PTCHD4: variants seen among roughly 807,000 people sequenced by gnomAD.
PTCHD4 encodes patched domain-containing protein 4.
In PTCHD4, 33 loss-of-function variants were observed where a neutral mutation model predicts 58.1. The observed-to-expected ratio is 0.57, with a 90% CI of 0.43 to 0.76. The LOEUF is 0.76. Among genes scored for constraint, PTCHD4 ranks in the 30% least tolerant of loss-of-function variants. The pLI, the probability that PTCHD4 is intolerant of heterozygous loss-of-function variation, is 0.00. For synonymous variants in PTCHD4, 478 were observed against 409.6 expected, an observed-to-expected ratio of 1.17 and a Z score of -2.02; for missense variants, 1,058 against 1,027.1, an observed-to-expected ratio of 1.03 and a Z score of -0.41.
intron 4 of PTCHD4, among the ~76,000 whole-genome samples, chr6:47,908,899 C>T (rs1346150282): frequency 6.6e-6 from 1 of 151,958 alleles, no homozygotes; most frequent in Non-Finnish European, 1.5e-5. Flanking sequence ...GAAAAGATTA[C>T]AATATGGAAT....
intron 4 of PTCHD4, among the ~76,000 whole-genome samples, chr6:48,006,872 C>G (rs1372202078): frequency 1.3e-5 from 2 of 152,202 alleles, no homozygotes; most frequent in Admixed American, 1.3e-4. Flanking sequence ...TATACTGTTA[C>G]ATTTTTCAAA....
chr6:48,054,051 A>G (rs1025725348), intron 3 of PTCHD4, among the ~76,000 whole-genome samples: 2 of 152,090 alleles, frequency 1.3e-5, no homozygotes, highest in Non-Finnish European at 2.9e-5. Context: ...GTATTTCTCA[A>G]TTTCGCTATC....
intron 1 of PTCHD4, among the ~76,000 whole-genome samples, chr6:48,108,005 A>G (rs1421176480): frequency 2.0e-5 from 3 of 152,166 alleles, no homozygotes; most frequent in South Asian, 2.1e-4. Context: ...TGTTGGTGGG[A>G]CTGTAAACTA....
intron 4 of PTCHD4, among the ~76,000 whole-genome samples, chr6:47,892,754 A>G (rs1361000699): frequency 2.0e-5 from 3 of 152,262 alleles, no homozygotes; most frequent in Non-Finnish European, 4.4e-5. Flanking sequence ...CAGATGCTTG[A>G]TAAAAGCATA....
intron 1 of PTCHD4, among the ~76,000 whole-genome samples, chr6:48,100,919 A>G (rs1406662403): frequency 1.3e-5 from 2 of 152,222 alleles, no homozygotes; most frequent in Non-Finnish European, 2.9e-5. Flanking sequence ...ATGTTTTACC[A>G]TGTTTGTTTC....
chr6:48,104,922 C>A (rs965260951), intron 1 of PTCHD4, among the ~76,000 whole-genome samples: 1 of 152,146 alleles, frequency 6.6e-6, no homozygotes, highest in African/African-American at 2.4e-5. Flanking sequence ...TATATATGCA[C>A]CCAATACAGG....
rs893618457 is a variant in PTCHD4, at chr6:47,861,752, T to A, written c.*16551A>T. The stretch of plus-strand genomic sequence containing the variant: ...CAAATGTTTCAGTGAAAGCAAATAG[T>A]TACTTTCTTCTTTTTATGAGACATT... On this transcript the variant is annotated 3_prime_UTR_variant, in exon 5 of 5. Transcript: ENST00000339488. 6.6e-6 allele frequency among the ~76,000 whole-genome samples: 1 copy of A among 151,968 alleles called. No individual in the cohort carries two copies. Among genetic ancestry groups the A allele is most frequent in the Non-Finnish European group, 1.5e-5 (1 of 67,888 alleles).
At chr6:48,029,994 G>A (rs1215591829) in intron 3 of PTCHD4, among the ~76,000 whole-genome samples, 1 of 152,074 alleles carries the variant, frequency 6.6e-6, no homozygotes, top group Admixed American at 6.6e-5. Context: ...ACCTCAAGAA[G>A]AGAAGTTACC....
Position 47,879,282 on chromosome 6 carries a change from A to C in PTCHD4, c.1553T>G (p.Phe518Cys), listed in dbSNP as rs1255949343. 2 of 1,612,694 alleles carry C rather than the reference A, an allele frequency of 1.2e-6. No individual in the cohort carries two copies. The highest frequency in any genetic ancestry group is 1.7e-6 in the Non-Finnish European group (2 of 1,179,392). ...GTACTCTAGGGGCTCATAGACGTAG[A>C]ATCCTATCACAGGGCTATAGTTGCT... Reference protein sequence around the residue: ...YFSNYSPVIGFYVYEPLEYWN... With the variant: ...YFSNYSPVIGCYVYEPLEYWN... Residue 518 changes from phenylalanine to cysteine, a missense_variant, in exon 5 of 5, where the codon TTC (phenylalanine) becomes TGC (cysteine). Transcript: ENST00000339488.
chr6:47,950,241 G>A (rs897044539), intron 4 of PTCHD4, among the ~76,000 whole-genome samples: 3 of 152,042 alleles, frequency 2.0e-5, no homozygotes, highest in Non-Finnish European at 4.4e-5. Context: ...GCTCCTGGAG[G>A]GTTTGAAGGG....
chr6:47,942,734 G>A (rs1766281027), intron 4 of PTCHD4, among the ~76,000 whole-genome samples: 2 of 152,204 alleles, frequency 1.3e-5, no homozygotes, highest in South Asian at 4.1e-4. Context: ...ACATTGCTCA[G>A]TTTTGCAAAA....
chr6:48,083,345 A>G (rs1026304045), intron 1 of PTCHD4, among the ~76,000 whole-genome samples: 8 of 152,212 alleles, frequency 5.3e-5, no homozygotes, highest in South Asian at 2.1e-4. Flanking sequence ...AGTATAATTT[A>G]ATTAACAAAA....
At chr6:47,995,209 C>CAA (rs1768440235) in intron 4 of PTCHD4, among the ~76,000 whole-genome samples, 1 of 152,156 alleles carries the variant, frequency 6.6e-6, no homozygotes, top group Non-Finnish European at 1.5e-5. Flanking sequence ...GATATTGATT[C>CAA]ATCTTGGCAA....
At position 47,870,084 on chromosome 6, in the gene PTCHD4, A is replaced by G. The variant is rs1475225141; in HGVS notation, c.*8219T>C. 6.6e-6 allele frequency among the ~76,000 whole-genome samples: 1 copy of G among 151,650 alleles called. No homozygotes were observed. Among genetic ancestry groups the G allele is most frequent in the Non-Finnish European group, 1.5e-5 (1 of 67,726 alleles). ...AATTTATCACTACTTTAATATATAA[A>G]TTATTTCTATTATTATGACTAATGG... On this transcript the variant is annotated 3_prime_UTR_variant, in exon 5 of 5. Transcript: ENST00000339488.
chr6:47,864,187 A>C lies in PTCHD4; in HGVS notation c.*14116T>G, dbSNP rs1352120292. ...TCAGGCCTCACTCCAGATCTATTGA[A>C]TCAGAACCTCTGGAGATGGGGATAT... On this transcript the variant is annotated 3_prime_UTR_variant, in exon 5 of 5. Transcript: ENST00000339488. Among the ~76,000 whole-genome samples, 2 of 151,918 alleles carry C rather than the reference A, an allele frequency of 1.3e-5. No individual in the cohort carries two copies. The highest frequency in any genetic ancestry group is 2.9e-5 in the Non-Finnish European group (2 of 67,910).
At chr6:48,098,942 AT>A (rs772502865) in intron 1 of PTCHD4, among the ~76,000 whole-genome samples, 20 of 151,820 alleles carry the variant, frequency 1.3e-4, no homozygotes, top group African/African-American at 2.4e-4. Flanking sequence ...TTGTATCTTA[AT>A]TTTTTTTTGA....
intron 4 of PTCHD4, among the ~76,000 whole-genome samples, chr6:47,995,467 G>A (rs1438668251): frequency 2.0e-5 from 3 of 152,176 alleles, no homozygotes; most frequent in Non-Finnish European, 2.9e-5. Flanking sequence ...CTAGTTAGAA[G>A]ATACATGTAA....
At chr6:48,093,444 C>CT (rs1270377144) in intron 1 of PTCHD4, among the ~76,000 whole-genome samples, 2 of 151,438 alleles carry the variant, frequency 1.3e-5, no homozygotes, top group African/African-American at 2.4e-5. Context: ...ACTGTTTTTT[C>CT]TTTTTTTGCA....
At chr6:47,951,333 G>C (rs1227224002) in intron 4 of PTCHD4, among the ~76,000 whole-genome samples, 1 of 152,178 alleles carries the variant, frequency 6.6e-6, no homozygotes, top group East Asian at 1.9e-4. Flanking sequence ...TGTATCCTCA[G>C]TGGGGTTTGA....
Sources: gnomAD v4.1 joint callset for allele counts (sites outside exome capture counted in the v4.1 genomes callset) on GRCh38, gnomAD v4.1.1 for gene constraint, MANE v1.5 for transcripts, NCBI Gene and HGNC (gene_info 2026-07-23, HGNC 2026-07-21) for gene names.